Variants in TMCC2 observed in about 807,000 individuals in gnomAD.
TMCC2 encodes transmembrane and coiled-coil domain family 2.
Under a neutral mutation model 49.4 loss-of-function variants are expected in TMCC2, and 16 were observed. The observed-to-expected ratio is 0.32, with a 90% CI of 0.22 to 0.49. The LOEUF (loss-of-function observed/expected upper bound fraction) is 0.49. Ranked by LOEUF, TMCC2 falls within the 20% of genes least tolerant of loss-of-function variation. TMCC2 has a pLI of 0.99. For synonymous variants in TMCC2, 397 were observed against 434.1 expected (o/e 0.91, Z 1.06); for missense variants, 762 against 989.8 (o/e 0.77, Z 3.09).
chr1:205,256,336 A>G, intron 2 of TMCC2: 2 of 1,550,348 alleles, frequency 1.3e-6, no homozygotes, highest in East Asian at 2.4e-5. Context: ...TCAGCTGTGG[A>G]CCTCTGTCCC....
intron 2 of TMCC2, chr1:205,246,594 A>C (rs919314087): frequency 1.9e-6 from 3 of 1,550,060 alleles, no homozygotes; most frequent in Non-Finnish European, 2.6e-6. Context: ...GCTTTGTGAA[A>C]TTGAGAGCTG....
Position 205,272,340 on chromosome 1 carries a change from C to A in TMCC2, c.*216C>A, listed in dbSNP as rs900835074. ...AATGCAGCCCTACCTGGAGATAGTGCGGGCACCTGTGGCCAAGTGGAGCAG... is the reference window on the plus strand; with the variant it reads ...AATGCAGCCCTACCTGGAGATAGTGAGGGCACCTGTGGCCAAGTGGAGCAG... On this transcript the variant is annotated 3_prime_UTR_variant, in exon 5 of 5. Coordinates refer to ENST00000358024, the MANE Select transcript of TMCC2 (RefSeq NM_014858.4). 8.3e-6 allele frequency: 8 copies of A among 959,380 alleles called. No individual in the cohort carries two copies. The highest frequency in any genetic ancestry group is 1.2e-5 in the Non-Finnish European group (8 of 670,232). The allele number at this position is 959,380 out of a possible 1,614,324, so 59.4% of individuals were successfully genotyped here.
intron 2 of TMCC2, among the ~76,000 whole-genome samples, chr1:205,248,886 C>G (rs1024382796): frequency 2.4e-4 from 36 of 152,154 alleles, no homozygotes; most frequent in African/African-American, 8.0e-4. Flanking sequence ...AGGAAGGGGA[C>G]GCAGCACAGG....
intron 1 of TMCC2, among the ~76,000 whole-genome samples, chr1:205,233,053 C>T (rs2102521588): frequency 6.7e-6 from 1 of 148,992 alleles, no homozygotes; most frequent in South Asian, 2.1e-4. Context: ...GGATGAGTGG[C>T]CAAGCATAAG....
Position 205,264,182 on chromosome 1 carries a change from A to G in TMCC2, c.748-4768A>G, listed in dbSNP as rs1661226113. 4.6e-5 allele frequency among the ~76,000 whole-genome samples: 7 copies of G among 152,386 alleles called. No individual in the cohort carries two copies. In the South Asian group the frequency reaches 1.4e-3, roughly 32 times the overall value. On this transcript the variant is annotated intron_variant, in intron 2 of 4. Transcript: ENST00000358024. The surrounding 1 kb of genome is among the most constrained non-coding windows in gnomAD (Gnocchi z 4.2). The stretch of plus-strand genomic sequence containing the variant: ...CAAAGTTCCAGATTGCTTAAGTCTC[A>G]TACAGTAAATAGTGTAGTATTTGCA...
chr1:205,253,358 G>T (rs1197671519), intron 2 of TMCC2, among the ~76,000 whole-genome samples: 1 of 152,222 alleles, frequency 6.6e-6, no homozygotes, highest in Non-Finnish European at 1.5e-5. Flanking sequence ...TTCCAGACGT[G>T]CAGAGAGAAG....
At chr1:205,244,007 G>C (rs1425318641) in intron 2 of TMCC2, among the ~76,000 whole-genome samples, 3 of 152,188 alleles carry the variant, frequency 2.0e-5, no homozygotes, top group African/African-American at 7.2e-5. Context: ...GGAGGAGGAA[G>C]TAATCAGAGT....
chr1:205,246,810 A>G lies in TMCC2; in HGVS notation c.747+4766A>G, dbSNP rs889370659. 88 of 1,091,586 alleles carry G rather than the reference A, an allele frequency of 8.1e-5. No homozygotes were observed. In the African/African-American group the frequency reaches 1.2e-3, roughly 14 times the overall value. The allele number at this position is 1,091,586 out of a possible 1,614,324, so 67.6% of individuals were successfully genotyped here. ...TGAACCTTGCTGTCTTTGGTTGCCT[A>G]GGGCTCCCATGAAGACCTCCTGAGC... On this transcript the variant is annotated intron_variant, in intron 2 of 4. Transcript: ENST00000358024.
intron 2 of TMCC2, among the ~76,000 whole-genome samples, chr1:205,263,503 C>T (rs1409108491): frequency 2.6e-5 from 4 of 152,020 alleles, no homozygotes; most frequent in African/African-American, 9.7e-5. Context: ...CCAGCCTGGG[C>T]AACATGGCAA....
intron 2 of TMCC2, among the ~76,000 whole-genome samples, chr1:205,267,095 AG>A (rs1177174133): frequency 2.0e-5 from 3 of 152,156 alleles, no homozygotes; most frequent in Admixed American, 2.0e-4. Flanking sequence ...TGGGAGGTCA[AG>A]GGGGGATGAG....
intron 2 of TMCC2, 32 bp downstream of exon 2, chr1:205,242,076 T>C: frequency 1.3e-6 from 2 of 1,542,140 alleles, no homozygotes; most frequent in South Asian, 2.5e-5. Context: ...AGGGGGAGAC[T>C]CAGAGGCAAG....
chr1:205,266,624 C>A (rs1005760159), intron 2 of TMCC2, among the ~76,000 whole-genome samples: 14 of 150,616 alleles, frequency 9.3e-5, no homozygotes, highest in African/African-American at 2.4e-4. Context: ...AAAAAAAAAA[C>A]CGTTAATTTT....
In TMCC2 at chr1:205,242,026, C is replaced by T. The variant is rs1282568352; in HGVS notation, c.729C>T (p.Ala243=). The T allele has an allele frequency of 7.5e-6, 12 of 1,592,364 alleles. No homozygotes were observed. Among genetic ancestry groups the T allele is most frequent in the South Asian group, 4.5e-5 (4 of 88,364 alleles). ...ACGTGTACCTCCTGGCTGAGGAGGC[C>T]GAAGGCATCGGGGACAAGGTGAGAT... The part of the protein sequence containing the change: ...GSNVYLLAEE[A]EGIGDKVDKG... Residue 243 remains alanine, a synonymous_variant, in exon 2 of 5, where the codon GCC becomes GCT. Transcript: ENST00000358024.
At position 205,255,491 on chromosome 1, in the gene TMCC2, G is replaced by C. The variant is rs577994583; in HGVS notation, c.747+13447G>C. Among the ~76,000 whole-genome samples, 28 of 152,286 alleles carry C rather than the reference G, an allele frequency of 1.8e-4. 1 individual carries two copies. The South Asian group carries it at 5.4e-3, about 29-fold the overall frequency. ...AATCGGTTGAACCCAGGAGGTGGAG[G>C]TTGCAGTGAGCCAAGATCGCGTCAA... On this transcript the variant is annotated intron_variant, in intron 2 of 4. Transcript: ENST00000358024.
intron 1 of TMCC2, among the ~76,000 whole-genome samples, chr1:205,237,328 C>A (rs1660092210): frequency 6.6e-6 from 1 of 152,078 alleles, no homozygotes; most frequent in African/African-American, 2.4e-5. Flanking sequence ...TAATGCTGGC[C>A]CTGTTTCCAT....
intron 4 of TMCC2, 63 bp downstream of exon 4, chr1:205,271,318 G>A (rs947627997): frequency 6.2e-7 from 1 of 1,612,804 alleles, no homozygotes; most frequent in African/African-American, 1.3e-5. Context: ...CAGCCAGAGG[G>A]TTAGGGTTCT....
Position 205,228,504 on chromosome 1 carries a change from G to A in TMCC2, c.-61G>A. On this transcript the variant is annotated 5_prime_UTR_variant, in exon 1 of 5. Transcript: ENST00000358024. ...GCCTCATATGAATATAAGAGGGGGT[G>A]CGGTCTTCCCCAAGACGGCGCGCTG... 3 of 1,449,094 alleles carry A rather than the reference G, an allele frequency of 2.1e-6. No individual in the cohort carries two copies. Among genetic ancestry groups the A allele is most frequent in the Non-Finnish European group, 2.8e-6 (3 of 1,058,470 alleles). 89.8% of individuals were successfully genotyped at this position (1,449,094 alleles called of 1,614,324 possible). A position where few individuals can be genotyped will look rare whatever the true frequency, so the allele number is the denominator to read the frequency against.
chr1:205,268,173 C>T (rs1164747947), intron 2 of TMCC2: 20 of 672,596 alleles, frequency 3.0e-5, no homozygotes, highest in Non-Finnish European at 3.5e-5. Context: ...TGTAGGCGGT[C>T]AGCCCTGAGG....
chr1:205,238,161 C>T (rs562658942), intron 1 of TMCC2, among the ~76,000 whole-genome samples: 17 of 152,144 alleles, frequency 1.1e-4, no homozygotes, highest in African/African-American at 1.9e-4. Flanking sequence ...GCTGCGTTGG[C>T]GGCTAAGTTC....
Sources: allele counts gnomAD v4.1 joint callset (sites outside exome capture counted in the v4.1 genomes callset), GRCh38; gene constraint gnomAD v4.1.1; non-coding constraint Gnocchi (gnomAD v3.1); transcripts MANE v1.5; gene names NCBI Gene and HGNC (gene_info 2026-07-23, HGNC 2026-07-21).